CA12: variants seen among roughly 807,000 people sequenced by gnomAD.
CA12 encodes carbonic anhydrase 12.
Under a neutral mutation model 46.8 loss-of-function variants are expected in CA12, and 36 were observed. The ratio of observed to expected loss-of-function variants is 0.77; its 90% CI spans 0.59 to 1.02. The LOEUF is 1.02. CA12 is among the 50% of genes least tolerant of loss of function. The pLI, the probability that CA12 is intolerant of heterozygous loss-of-function variation, is 0.00. For synonymous variants in CA12, 202 were observed against 187.0 expected, an observed-to-expected ratio of 1.08 and a Z score of -0.65; for missense variants, 436 against 451.4, an observed-to-expected ratio of 0.97 and a Z score of 0.31.
chr15:63,359,996 A>G (rs960321961), intron 2 of CA12, among the ~76,000 whole-genome samples: 15 of 152,270 alleles, frequency 9.9e-5, no homozygotes, highest in Admixed American at 2.0e-4. Flanking sequence ...AATCCCACTC[A>G]CTTCTCCAGG....
Position 63,348,771 on chromosome 15 carries a change from T to C in CA12, c.107-2062A>G, listed in dbSNP as rs188682950. 1.1e-4 allele frequency among the ~76,000 whole-genome samples: 16 copies of C among 152,354 alleles called. No individual in the cohort carries two copies. In the East Asian group the frequency reaches 3.1e-3, roughly 29 times the overall value. ...TAGCTAAACGAGAGCCTCGTGAAGATAGGGACCCCTCATCTTCGTCTCTGT... is the reference window on the plus strand; with the variant it reads ...TAGCTAAACGAGAGCCTCGTGAAGACAGGGACCCCTCATCTTCGTCTCTGT... On this transcript the variant is annotated intron_variant, in intron 2 of 10. Transcript: ENST00000178638. The surrounding 1 kb of genome is among the most constrained non-coding windows in gnomAD (Gnocchi z 4.6).
Position 63,345,731 on chromosome 15 carries a change from A to G in CA12, c.287-112T>C. ...CCTGCTGCCACCCCCTGGAGCCCAG[A>G]GAGAGGCAGGTGGATGGAGTGAGGT... On this transcript the variant is annotated intron_variant, in intron 3 of 10. Transcript: ENST00000178638. This position sits in a 1 kb window ranked among gnomAD's most constrained non-coding sequence, Gnocchi z 4.3. 7.2e-7 allele frequency: 1 copy of G among 1,388,538 alleles called. No homozygotes were observed. The highest frequency in any genetic ancestry group is 9.9e-7 in the Non-Finnish European group (1 of 1,012,900). The allele number at this position is 1,388,538 out of a possible 1,614,324, so 86.0% of individuals were successfully genotyped here.
chr15:63,371,182 A>G lies in CA12; in HGVS notation c.106+4476T>C, dbSNP rs1011654295. Among the ~76,000 whole-genome samples, 4 of 152,330 alleles carry G rather than the reference A, an allele frequency of 2.6e-5. No homozygotes were observed. The East Asian group carries it at 7.7e-4, about 29-fold the overall frequency. On this transcript the variant is annotated intron_variant, in intron 2 of 10. Transcript: ENST00000178638. ...CCCAAGAAAGTTCATTACAGAAAAT[A>G]AATATTTCCGCAGATACAGGACAGA...
In CA12 at chr15:63,332,338, T is replaced by C. The variant is rs529914737; in HGVS notation, c.875-4208A>G. Among the ~76,000 whole-genome samples the C allele has an allele frequency of 2.6e-5, 4 of 152,304 alleles. No homozygotes were observed. In the East Asian group the frequency reaches 7.7e-4, roughly 29 times the overall value. Reference sequence around the variant, plus strand: ...CAAAACAAGAATTGCTACAAAGAAATCTGCCAACAAGATAGTACCAGATTA... The same window carrying C: ...CAAAACAAGAATTGCTACAAAGAAACCTGCCAACAAGATAGTACCAGATTA... On this transcript the variant is annotated intron_variant, in intron 8 of 10. Coordinates refer to ENST00000178638, the MANE Select transcript of CA12 (RefSeq NM_001218.5).
chr15:63,327,297 C>G lies in CA12; in HGVS notation c.908-64G>C, dbSNP rs2038880165. The G allele has an allele frequency of 5.3e-6, 7 of 1,319,744 alleles. No individual in the cohort carries two copies. Among genetic ancestry groups the G allele is most frequent in the African/African-American group, 2.9e-5 (2 of 68,754 alleles). 81.8% of individuals were successfully genotyped at this position (1,319,744 alleles called of 1,614,324 possible). On this transcript the variant is annotated intron_variant, in intron 9 of 10. Transcript: ENST00000178638. This position sits in a 1 kb window ranked among gnomAD's most constrained non-coding sequence, Gnocchi z 4.5. ...TTCCCCTCCATCTTAGCCCATGGCC[C>G]CCGGGTGTGAAATCATGGCCCAGCT...
chr15:63,333,214 G>A (rs1402865439), intron 8 of CA12, among the ~76,000 whole-genome samples: 2 of 152,244 alleles, frequency 1.3e-5, no homozygotes, highest in Non-Finnish European at 2.9e-5. Flanking sequence ...GGCTAAGAGG[G>A]CAGGGATGGG....
chr15:63,365,249 G>A (rs1053536063), intron 2 of CA12, among the ~76,000 whole-genome samples: 2 of 152,212 alleles, frequency 1.3e-5, no homozygotes, highest in Non-Finnish European at 2.9e-5. Flanking sequence ...GGGAAGAAAA[G>A]CAAGTGAACT....
At chr15:63,334,027 G>A (rs932147581) in intron 8 of CA12, among the ~76,000 whole-genome samples, 1 of 152,090 alleles carries the variant, frequency 6.6e-6, no homozygotes, top group Non-Finnish European at 1.5e-5. Context: ...CTAGGAGGAG[G>A]TGAACTCAAA....
At chr15:63,343,705 A>C (rs1269717987) in intron 4 of CA12, among the ~76,000 whole-genome samples, 1 of 152,142 alleles carries the variant, frequency 6.6e-6, no homozygotes, top group African/African-American at 2.4e-5. Flanking sequence ...GTCCATCTTA[A>C]CCAGACTCTT....
At chr15:63,346,439 G>A (rs967834242) in intron 3 of CA12, 91 bp downstream of exon 3, 37 of 553,994 alleles carry the variant, frequency 6.7e-5, no homozygotes, top group African/African-American at 1.0e-4. Flanking sequence ...ATGCTTCCAC[G>A]GAACACCTCC....
At chr15:63,375,026 G>A (rs2039553428) in intron 2 of CA12, among the ~76,000 whole-genome samples, 1 of 152,134 alleles carries the variant, frequency 6.6e-6, no homozygotes, top group African/African-American at 2.4e-5. Flanking sequence ...CTGATTTCCA[G>A]CTGCTTCTCT....
At chr15:63,366,482 C>T (rs2039436296) in intron 2 of CA12, among the ~76,000 whole-genome samples, 1 of 152,222 alleles carries the variant, frequency 6.6e-6, no homozygotes, top group Non-Finnish European at 1.5e-5. Context: ...CGCTTAATTG[C>T]TCTGTCCTCC....
At chr15:63,359,559 C>A (rs2039333779) in intron 2 of CA12, among the ~76,000 whole-genome samples, 1 of 152,022 alleles carries the variant, frequency 6.6e-6, no homozygotes. Context: ...ACACATGCAA[C>A]CTCACTCCCG....
At chr15:63,379,377 C>T (rs545747526) in intron 1 of CA12, among the ~76,000 whole-genome samples, 18 of 151,934 alleles carry the variant, frequency 1.2e-4, no homozygotes, top group African/African-American at 4.1e-4. Context: ...TGTATGTGTG[C>T]GTGTGTGTGT....
intron 2 of CA12, among the ~76,000 whole-genome samples, chr15:63,358,034 G>A (rs1190939354): frequency 6.6e-6 from 1 of 152,160 alleles, no homozygotes; most frequent in Non-Finnish European, 1.5e-5. Context: ...TTTTTATGAT[G>A]GCATAATATC....
At chr15:63,371,372 C>T (rs1175736763) in intron 2 of CA12, among the ~76,000 whole-genome samples, 3 of 152,200 alleles carry the variant, frequency 2.0e-5, no homozygotes, top group African/African-American at 4.8e-5. Context: ...CAGCACTGCC[C>T]GGCTCACACC....
chr15:63,326,076 G>C lies in CA12; in HGVS notation c.*209C>G, dbSNP rs547104668. On this transcript the variant is annotated 3_prime_UTR_variant, in exon 11 of 11. Coordinates refer to ENST00000178638, the MANE Select transcript of CA12 (RefSeq NM_001218.5). ...GCTTTGAATTCCTGCTGCTTGGTCT[G>C]AGAGTGCATCCCATCCATCGATCGG... 8.5e-6 allele frequency: 5 copies of C among 590,750 alleles called. No individual in the cohort carries two copies. The highest frequency in any genetic ancestry group is 1.5e-5 in the Non-Finnish European group (5 of 326,130). The allele number at this position is 590,750 out of a possible 1,614,324, so 36.6% of individuals were successfully genotyped here. A position where few individuals can be genotyped will look rare whatever the true frequency, so the allele number is the denominator to read the frequency against.
At position 63,341,675 on chromosome 15, in the gene CA12, G is replaced by A. The variant is rs1427107991; in HGVS notation, c.525+327C>T. 6.6e-6 allele frequency among the ~76,000 whole-genome samples: 1 copy of A among 152,204 alleles called. No homozygotes were observed. The highest frequency in any genetic ancestry group is 1.5e-5 in the Non-Finnish European group (1 of 68,036). ...TGTATCAAGAGTTCAGGCATCTGAT[G>A]GGGCAGATGGAGTTTGATGATCCCT... is the stretch of plus-strand genomic sequence containing the variant. On this transcript the variant is annotated intron_variant, in intron 5 of 10. Coordinates refer to ENST00000178638, the MANE Select transcript of CA12 (RefSeq NM_001218.5). The surrounding 1 kb of genome is among the most constrained non-coding windows in gnomAD (Gnocchi z 5.2).
In CA12 at chr15:63,374,208, G is replaced by A. The variant is rs985398646; in HGVS notation, c.106+1450C>T. 3.3e-5 allele frequency among the ~76,000 whole-genome samples: 5 copies of A among 151,978 alleles called. No individual in the cohort carries two copies. Among genetic ancestry groups the A allele is most frequent in the Admixed American group, 1.3e-4 (2 of 15,258 alleles). On this transcript the variant is annotated intron_variant, in intron 2 of 10. Transcript: ENST00000178638. The surrounding 1 kb of genome is among the most constrained non-coding windows in gnomAD (Gnocchi z 4.4). Reference sequence around the variant, plus strand: ...GCCTATCTCTCTGACCTTAGAGCCCGTGACTCCGCTATCAACCCTTCTCCA... The same window carrying A: ...GCCTATCTCTCTGACCTTAGAGCCCATGACTCCGCTATCAACCCTTCTCCA...
Sources: gnomAD v4.1 joint callset for allele counts (sites outside exome capture counted in the v4.1 genomes callset) on GRCh38, gnomAD v4.1.1 for gene constraint, Gnocchi (gnomAD v3.1) non-coding constraint, MANE v1.5 for transcripts, NCBI Gene and HGNC (gene_info 2026-07-23, HGNC 2026-07-21) for gene names.